The following PSD3 variants were observed in gnomAD, a reference collection of about 807,000 sequenced individuals.
The protein encoded by PSD3 is PH and SEC7 domain-containing protein 3.
Under a neutral mutation model 105.5 loss-of-function variants are expected in PSD3, and 49 were observed. That is an observed-to-expected ratio of 0.46 (90% confidence interval 0.37 to 0.59). The LOEUF is 0.59. Among genes scored for constraint, PSD3 ranks in the 20% least tolerant of loss-of-function variants. PSD3 has a pLI of 0.00. For synonymous variants in PSD3, 557 were observed against 457.8 expected, an observed-to-expected ratio of 1.22 and a Z score of -2.77; for missense variants, 1,561 against 1,263.8, an observed-to-expected ratio of 1.24 and a Z score of -3.57.
At chr8:18,899,585 A>T (rs557403465) in intron 2 of PSD3, among the ~76,000 whole-genome samples, 1 of 152,124 alleles carries the variant, frequency 6.6e-6, no homozygotes, top group East Asian at 1.9e-4. Context: ...AATTAGAGAT[A>T]CTGTGTTTGG....
chr8:18,671,906 C>T (rs1444973619), intron 9 of PSD3, among the ~76,000 whole-genome samples: 2 of 152,196 alleles, frequency 1.3e-5, no homozygotes, highest in Non-Finnish European at 2.9e-5. Context: ...GCTGGAATTA[C>T]AGGCGTGAGC....
intron 9 of PSD3, among the ~76,000 whole-genome samples, chr8:18,685,943 A>C (rs2130970625): frequency 6.6e-6 from 1 of 152,242 alleles, no homozygotes; most frequent in East Asian, 1.9e-4. Flanking sequence ...TGCCCTTTGG[A>C]TATTTGTCAG....
Position 18,787,343 on chromosome 8 carries a change from T to C in PSD3, c.2082+11952A>G, listed in dbSNP as rs552952302. Among the ~76,000 whole-genome samples, 27 of 152,338 alleles carry C rather than the reference T, an allele frequency of 1.8e-4. 1 individual carries two copies. In the South Asian group the frequency reaches 4.3e-3, roughly 25 times the overall value. ...AGATTTGAAAATGCCTCCTGATGCA[T>C]TGAGAGGTACAGAAATGGTACCTTG... On this transcript the variant is annotated intron_variant, in intron 8 of 15. Transcript: ENST00000327040.
At chr8:18,565,849 C>T (rs1801707019) in intron 14 of PSD3, among the ~76,000 whole-genome samples, 1 of 152,078 alleles carries the variant, frequency 6.6e-6, no homozygotes, top group South Asian at 2.1e-4. Context: ...TGTCTGGAGA[C>T]ATTTTTGGTT....
At chr8:18,560,510 C>A (rs1801334743) in intron 14 of PSD3, among the ~76,000 whole-genome samples, 1 of 151,748 alleles carries the variant, frequency 6.6e-6, no homozygotes. Flanking sequence ...ATAGAAAATA[C>A]CACAAACTCA....
In PSD3 at chr8:18,627,181, GTC is replaced by G; in HGVS notation, c.2410+5430_2410+5431del. Among the ~76,000 whole-genome samples the G allele has an allele frequency of 1.3e-5, 2 of 152,204 alleles. 1 individual carries two copies. Among genetic ancestry groups the G allele is most frequent in the Admixed American group, 1.3e-4 (2 of 15,270 alleles). ...GACTGGCTTACTGCTTAGAGAAAGA[GTC>G]TCGGTTCCAACAGTGGAAGAGGGTA... On this transcript the variant is annotated intron_variant, in intron 11 of 15. Coordinates refer to ENST00000327040, the MANE Select transcript of PSD3 (RefSeq NM_015310.4).
At chr8:19,062,823 G>A (rs1031988862) in intron 1 of PSD3, among the ~76,000 whole-genome samples, 1 of 152,114 alleles carries the variant, frequency 6.6e-6, no homozygotes, top group African/African-American at 2.4e-5. Flanking sequence ...ACAGACATGT[G>A]ATCACTCACG....
At chr8:18,936,209 A>C in intron 1 of PSD3, 67 bp from the exon 2 acceptor site, 1 of 1,001,310 alleles carries the variant, frequency 1.0e-6, no homozygotes, top group Non-Finnish European at 1.6e-6. Context: ...CATAAAACAA[A>C]TTATCCAACA....
At chr8:18,651,805 T>C (rs942044430) in intron 10 of PSD3, among the ~76,000 whole-genome samples, 2 of 152,118 alleles carry the variant, frequency 1.3e-5, no homozygotes, top group Non-Finnish European at 2.9e-5. Context: ...AAAATGATTA[T>C]GGGATACAGG....
intron 1 of PSD3, among the ~76,000 whole-genome samples, chr8:18,957,985 A>G (rs749507741): frequency 6.6e-6 from 1 of 152,194 alleles, no homozygotes; most frequent in African/African-American, 2.4e-5. Flanking sequence ...TGCTACCACA[A>G]TTTGAAACAC....
intron 1 of PSD3, among the ~76,000 whole-genome samples, chr8:19,054,947 C>T (rs1374902146): frequency 6.6e-6 from 1 of 152,138 alleles, no homozygotes; most frequent in Non-Finnish European, 1.5e-5. Flanking sequence ...TAGTGCTCAC[C>T]TGGGCACAGG....
chr8:18,551,115 T>C (rs917374416), intron 15 of PSD3, among the ~76,000 whole-genome samples: 6 of 152,204 alleles, frequency 3.9e-5, no homozygotes, highest in Non-Finnish European at 7.3e-5. Flanking sequence ...GTTGGCACTG[T>C]ATTGAGATAT....
At chr8:18,663,307 G>C (rs550455472) in intron 9 of PSD3, among the ~76,000 whole-genome samples, 1 of 152,052 alleles carries the variant, frequency 6.6e-6, no homozygotes, top group Non-Finnish European at 1.5e-5. Context: ...CGTGCCTGTA[G>C]TCCCAGCTAC....
intron 10 of PSD3, among the ~76,000 whole-genome samples, chr8:18,644,253 T>C (rs1807866162): frequency 6.6e-6 from 1 of 152,232 alleles, no homozygotes. Flanking sequence ...ATTTTCAAAA[T>C]CTTTCTTCTG....
Position 19,013,622 on chromosome 8 carries a change from C to G in PSD3, c.-39G>C. The G allele has an allele frequency of 1.4e-6, 2 of 1,381,676 alleles. No homozygotes were observed. The highest frequency in any genetic ancestry group is 1.9e-6 in the Non-Finnish European group (2 of 1,073,684). 85.6% of individuals were successfully genotyped at this position (1,381,676 alleles called of 1,614,324 possible). A position where few individuals can be genotyped will look rare whatever the true frequency, so the allele number is the denominator to read the frequency against. On this transcript the variant is annotated 5_prime_UTR_variant, in exon 1 of 16. Transcript: ENST00000327040. Reference sequence around the variant, plus strand: ...CCCGGCCGCGCGCCGAAACCGCCGCCGGGCGCTCCGGGGCCGCAGCCTCAG... The same window carrying G: ...CCCGGCCGCGCGCCGAAACCGCCGCGGGGCGCTCCGGGGCCGCAGCCTCAG...
chr8:18,874,356 G>A (rs887290552), intron 2 of PSD3, among the ~76,000 whole-genome samples: 1 of 151,500 alleles, frequency 6.6e-6, no homozygotes, highest in Non-Finnish European at 1.5e-5. Context: ...AAGTAGAGAC[G>A]GGGTTTCATC....
intron 1 of PSD3, among the ~76,000 whole-genome samples, chr8:19,040,418 C>G (rs1213972637): frequency 6.6e-6 from 1 of 152,192 alleles, no homozygotes; most frequent in Admixed American, 6.5e-5. Flanking sequence ...GTTGCCCAGG[C>G]TGGTCTCGAA....
At chr8:18,565,476 T>C (rs1801680894) in intron 14 of PSD3, among the ~76,000 whole-genome samples, 1 of 152,204 alleles carries the variant, frequency 6.6e-6, no homozygotes, top group Admixed American at 6.5e-5. Context: ...TCAATTTTAA[T>C]GATTAAGGCT....
intron 4 of PSD3, among the ~76,000 whole-genome samples, chr8:18,862,350 A>G (rs1181296678): frequency 6.7e-6 from 1 of 148,732 alleles, no homozygotes; most frequent in Non-Finnish European, 1.5e-5. Context: ...CCTAACCCAC[A>G]TCACTGAGCA....
Sources: allele counts gnomAD v4.1 joint callset (sites outside exome capture counted in the v4.1 genomes callset), GRCh38; gene constraint gnomAD v4.1.1; transcripts MANE v1.5; gene names NCBI Gene and HGNC (gene_info 2026-07-23, HGNC 2026-07-21).